Variants in CNTNAP5 observed in about 807,000 individuals in gnomAD.
The protein encoded by CNTNAP5 is contactin associated protein family member 5.
CNTNAP5 carries 72 observed loss-of-function variants against 150.2 expected under a neutral mutation model. That is an observed-to-expected ratio of 0.48 (90% CI 0.40 to 0.58). The LOEUF (loss-of-function observed/expected upper bound fraction) is 0.58. Ranked by LOEUF, CNTNAP5 falls within the 20% of genes least tolerant of loss-of-function variation. CNTNAP5 has a pLI of 0.00. For missense variants in CNTNAP5, 1,636 were observed against 1,626.2 expected (o/e 1.01, Z -0.10); for synonymous variants, 672 against 619.8 (o/e 1.08, Z -1.25).
chr2:124,060,016 A>G (rs761065135), intron 1 of CNTNAP5, among the ~76,000 whole-genome samples: 2 of 152,156 alleles, frequency 1.3e-5, no homozygotes, highest in Non-Finnish European at 2.9e-5. Context: ...TCCAACTGTA[A>G]TAGTCGATGA....
chr2:124,065,455 C>A (rs76831710), intron 1 of CNTNAP5, among the ~76,000 whole-genome samples: 47 of 141,874 alleles, frequency 3.3e-4, no homozygotes, highest in African/African-American at 6.4e-4. Context: ...GTATAAAAAA[C>A]CCCCCAGCAG....
chr2:124,204,769 C>T (rs1303869059), intron 1 of CNTNAP5, among the ~76,000 whole-genome samples: 1 of 151,890 alleles, frequency 6.6e-6, no homozygotes, highest in Non-Finnish European at 1.5e-5. Flanking sequence ...ACAGGAAAAT[C>T]CCACCCCCAC....
chr2:124,676,817 T>G (rs1488114215), intron 13 of CNTNAP5, among the ~76,000 whole-genome samples: 2 of 152,226 alleles, frequency 1.3e-5, no homozygotes, highest in Non-Finnish European at 2.9e-5. Context: ...AAAGACTCCT[T>G]GGATGGTTAA....
intron 1 of CNTNAP5, among the ~76,000 whole-genome samples, chr2:124,168,090 G>C (rs1684848337): frequency 6.6e-6 from 1 of 152,196 alleles, no homozygotes; most frequent in African/African-American, 2.4e-5. Context: ...ACAAGGTCTT[G>C]CTATAGGAAA....
intron 8 of CNTNAP5, among the ~76,000 whole-genome samples, chr2:124,517,095 G>A (rs1465776392): frequency 6.6e-6 from 1 of 152,026 alleles, no homozygotes; most frequent in South Asian, 2.1e-4. Flanking sequence ...GAAGGTTGTG[G>A]CATTGATGAT....
Position 124,452,981 on chromosome 2 carries a change from CA to C in CNTNAP5, c.918+6051del, listed in dbSNP as rs562329150. 2.7e-4 allele frequency among the ~76,000 whole-genome samples: 41 copies of C among 152,126 alleles called. No homozygotes were observed. In the East Asian group the frequency reaches 5.0e-3, roughly 19 times the overall value. ...CAAAACAATGTTCTTTAACACCCCC[CA>C]AAAAAATTACACTAGCTTTCCAGCA... On this transcript the variant is annotated intron_variant, in intron 6 of 23. Transcript: ENST00000682447.
chr2:124,781,124 T>C (rs1203139478), intron 17 of CNTNAP5, among the ~76,000 whole-genome samples: 1 of 152,226 alleles, frequency 6.6e-6, no homozygotes, highest in East Asian at 1.9e-4. Flanking sequence ...CCCACTCACA[T>C]TCTTTTCCTT....
intron 21 of CNTNAP5, among the ~76,000 whole-genome samples, chr2:124,896,144 A>G (rs1678299934): frequency 6.6e-6 from 1 of 151,616 alleles, no homozygotes; most frequent in Non-Finnish European, 1.5e-5. Flanking sequence ...AGAAATATTA[A>G]TGAAGTTCTA....
intron 3 of CNTNAP5, among the ~76,000 whole-genome samples, chr2:124,413,369 T>C (rs182331328): frequency 0.13 from 19,390 of 145,016 alleles, 1,404 homozygotes; most frequent in Non-Finnish European, 0.17. Context: ...GACGCAGCCA[T>C]CCCATTACTG....
intron 10 of CNTNAP5, among the ~76,000 whole-genome samples, chr2:124,562,830 C>T (rs984599085): frequency 8.5e-5 from 13 of 152,170 alleles, no homozygotes; most frequent in African/African-American, 3.1e-4. Flanking sequence ...TCTGCCTCTC[C>T]TTTAAAAATA....
intron 3 of CNTNAP5, among the ~76,000 whole-genome samples, chr2:124,383,092 C>T (rs911542052): frequency 8.5e-5 from 13 of 152,130 alleles, no homozygotes; most frequent in African/African-American, 3.1e-4. Flanking sequence ...AGCTCCAGCC[C>T]CACATTCCTG....
At chr2:124,195,262 C>T (rs919499410) in intron 1 of CNTNAP5, among the ~76,000 whole-genome samples, 10 of 152,100 alleles carry the variant, frequency 6.6e-5, no homozygotes, top group Admixed American at 1.3e-4. Context: ...ACAGTTCCTG[C>T]AGAGAGCGTG....
intron 21 of CNTNAP5, among the ~76,000 whole-genome samples, chr2:124,893,314 G>A (rs535546520): frequency 5.1e-4 from 78 of 152,038 alleles, no homozygotes; most frequent in Non-Finnish European, 9.6e-4. Context: ...AGAATTTAGT[G>A]CACATTAGAG....
chr2:124,200,119 C>T (rs1355794139), intron 1 of CNTNAP5, among the ~76,000 whole-genome samples: 1 of 152,170 alleles, frequency 6.6e-6, no homozygotes, highest in South Asian at 2.1e-4. Flanking sequence ...CATAGACACC[C>T]TTCCAATCCT....
chr2:124,605,809 C>CAAAAAAAAAAAAAAAAAAA (rs36090348), intron 11 of CNTNAP5, among the ~76,000 whole-genome samples: 1 of 34,430 alleles, frequency 2.9e-5, no homozygotes, highest in African/African-American at 1.4e-4. Context: ...AAGACTCTGT[C>CAAAAAAAAAAAAAAAAAAA]AAAAAAAAAA....
intron 1 of CNTNAP5, among the ~76,000 whole-genome samples, chr2:124,126,091 CA>C (rs1320972927): frequency 6.6e-6 from 1 of 151,974 alleles, no homozygotes; most frequent in African/African-American, 2.4e-5. Flanking sequence ...GATAGAGACA[CA>C]AAAAACCCTT....
chr2:124,780,987 CAA>C (rs928436963), intron 17 of CNTNAP5, among the ~76,000 whole-genome samples: 3 of 152,200 alleles, frequency 2.0e-5, no homozygotes, highest in Non-Finnish European at 4.4e-5. Flanking sequence ...CTATCTCACC[CAA>C]AAGAGTTTTT....
intron 1 of CNTNAP5, among the ~76,000 whole-genome samples, chr2:124,032,145 A>T (rs1173741067): frequency 6.6e-6 from 1 of 152,182 alleles, no homozygotes. Context: ...AAATGCTATG[A>T]TAAAGGTAAA....
intron 3 of CNTNAP5, among the ~76,000 whole-genome samples, chr2:124,335,351 T>G (rs752394476): frequency 2.0e-5 from 3 of 151,932 alleles, no homozygotes; most frequent in African/African-American, 7.3e-5. Flanking sequence ...GTCTTGGGTT[T>G]CCAGTCTTCT....
Sources: allele counts gnomAD v4.1 joint callset (sites outside exome capture counted in the v4.1 genomes callset), GRCh38; gene constraint gnomAD v4.1.1; transcripts MANE v1.5; gene names NCBI Gene and HGNC (gene_info 2026-07-23, HGNC 2026-07-21).